Variants in KCND2 observed in about 807,000 individuals in gnomAD.
KCND2 encodes the protein A-type voltage-gated potassium channel KCND2.
Under a neutral mutation model 54.4 loss-of-function variants are expected in KCND2, and 16 were observed. That is an observed-to-expected ratio of 0.29 (90% confidence interval 0.20 to 0.45). The LOEUF (loss-of-function observed/expected upper bound fraction) is 0.45. Ranked by LOEUF, KCND2 falls within the 20% of genes least tolerant of loss-of-function variation. The pLI is 1.00. For synonymous variants in KCND2, 317 were observed against 310.7 expected (o/e 1.02, Z -0.21); for missense variants, 486 against 824.2 (o/e 0.59, Z 5.02).
intron 1 of KCND2, among the ~76,000 whole-genome samples, chr7:120,663,734 A>G (rs1791893315): frequency 6.6e-6 from 1 of 152,194 alleles, no homozygotes. Flanking sequence ...ACTTGATACT[A>G]TGTCATGGAT....
intron 1 of KCND2, among the ~76,000 whole-genome samples, chr7:120,649,083 C>A (rs907299646): frequency 6.6e-6 from 1 of 152,134 alleles, no homozygotes; most frequent in African/African-American, 2.4e-5. Flanking sequence ...ATCCTAACCT[C>A]TCATTTAATT....
chr7:120,274,494 T>C lies in KCND2; in HGVS notation c.-139T>C, dbSNP rs918598748. 28 of 920,264 alleles carry C rather than the reference T, an allele frequency of 3.0e-5. No homozygotes were observed. In the African/African-American group the frequency reaches 4.1e-4, roughly 14 times the overall value. 57.0% of individuals were successfully genotyped at this position (920,264 alleles called of 1,614,324 possible). On this transcript the variant is annotated 5_prime_UTR_variant, in exon 1 of 6. Coordinates refer to ENST00000331113, the MANE Select transcript of KCND2 (RefSeq NM_012281.3). ...AACTGTGACTTTACCAGGAGCCCTA[T>C]CTTGGAATAAGAGTTACACCTCTGG...
intron 1 of KCND2, among the ~76,000 whole-genome samples, chr7:120,351,337 G>A (rs1184573670): frequency 7.2e-6 from 1 of 139,586 alleles, no homozygotes; most frequent in Non-Finnish European, 1.5e-5. Flanking sequence ...TAGTTTAAAT[G>A]GGATCATCTC....
intron 1 of KCND2, among the ~76,000 whole-genome samples, chr7:120,460,704 A>G (rs1038679162): frequency 4.6e-5 from 7 of 152,240 alleles, no homozygotes; most frequent in Middle Eastern, 3.4e-3. Context: ...AGGCACCTCC[A>G]TACTGATGCT....
At chr7:120,648,722 A>G (rs564640902) in intron 1 of KCND2, among the ~76,000 whole-genome samples, 1 of 152,340 alleles carries the variant, frequency 6.6e-6, no homozygotes, top group East Asian at 1.9e-4. Context: ...GCAAAAATTC[A>G]TGTAGAGTTA....
intron 1 of KCND2, among the ~76,000 whole-genome samples, chr7:120,335,498 TATTTATTA>T (rs1370359477): frequency 6.9e-6 from 1 of 144,116 alleles, no homozygotes; most frequent in Non-Finnish European, 1.5e-5. Context: ...TTTATTTATT[TATTTATTA>T]GACAGAGTCT....
intron 1 of KCND2, among the ~76,000 whole-genome samples, chr7:120,484,085 G>A (rs1378458214): frequency 2.0e-5 from 3 of 152,104 alleles, no homozygotes; most frequent in African/African-American, 4.8e-5. Context: ...CCTGGAAGAC[G>A]CAAAGTGAGA....
At chr7:120,339,055 T>TA (rs201805063) in intron 1 of KCND2, among the ~76,000 whole-genome samples, 2,190 of 133,854 alleles carry the variant, frequency 0.016, 52 homozygotes, top group African/African-American at 0.05. Flanking sequence ...TAATTATTAT[T>TA]TTTTTTTTTT....
intron 1 of KCND2, among the ~76,000 whole-genome samples, chr7:120,571,918 C>T (rs1792370878): frequency 1.3e-5 from 2 of 152,106 alleles, no homozygotes; most frequent in Non-Finnish European, 2.9e-5. Flanking sequence ...CTTTCAAAAC[C>T]TGATTAGAAT....
chr7:120,640,309 T>C (rs1433106897), intron 1 of KCND2, among the ~76,000 whole-genome samples: 2 of 152,224 alleles, frequency 1.3e-5, no homozygotes, highest in Non-Finnish European at 2.9e-5. Context: ...ATGTGAATGT[T>C]ATATTTGGGC....
Position 120,741,587 on chromosome 7 carries a change from C to T in KCND2, c.1332C>T (p.Tyr444=), listed in dbSNP as rs1792941873. Residue 444 remains tyrosine (Y), a synonymous_variant, in exon 3 of 6, where the codon TAC becomes TAT. Coordinates refer to ENST00000331113, the MANE Select transcript of KCND2 (RefSeq NM_012281.3). ...RAAKSGSANA[Y]MQSKRNGLLS... is the part of the protein sequence containing the mutation. ...CCAAAAGCGGAAGCGCAAATGCTTACATGCAGAGCAAACGGAATGGTTTAC... is the reference window on the plus strand; with the variant it reads ...CCAAAAGCGGAAGCGCAAATGCTTATATGCAGAGCAAACGGAATGGTTTAC... The T allele has an allele frequency of 6.2e-7, 1 of 1,613,284 alleles. No homozygotes were observed. Among genetic ancestry groups the T allele is most frequent in the Non-Finnish European group, 8.5e-7 (1 of 1,179,430 alleles).
chr7:120,437,254 G>A (rs1801880829), intron 1 of KCND2, among the ~76,000 whole-genome samples: 1 of 145,536 alleles, frequency 6.9e-6, no homozygotes, highest in Non-Finnish European at 1.5e-5. Context: ...CCAGGCTGGA[G>A]TGCAGTGACT....
chr7:120,368,738 C>A (rs978566415), intron 1 of KCND2, among the ~76,000 whole-genome samples: 3 of 151,972 alleles, frequency 2.0e-5, no homozygotes, highest in Admixed American at 6.6e-5. Flanking sequence ...TAAGCCAAAT[C>A]TCTTGGAAAT....
chr7:120,490,994 T>A (rs1802770815), intron 1 of KCND2, among the ~76,000 whole-genome samples: 1 of 152,152 alleles, frequency 6.6e-6, no homozygotes, highest in South Asian at 2.1e-4. Context: ...GATTAGTGAC[T>A]GCTAAAGATC....
In KCND2 at chr7:120,453,432, G is replaced by T. The variant is rs927422466; in HGVS notation, c.1115+177685G>T. Among the ~76,000 whole-genome samples the T allele has an allele frequency of 7.2e-5, 11 of 152,126 alleles. 1 individual carries two copies. Among genetic ancestry groups the T allele is most frequent in the Admixed American group, 7.2e-4 (11 of 15,266 alleles). On this transcript the variant is annotated intron_variant, in intron 1 of 5. Coordinates refer to ENST00000331113, the MANE Select transcript of KCND2 (RefSeq NM_012281.3). ...CCATCCTCCCTGTACCACCAACCTGGTAAGTGAGAACATGTGCAGGAATGC... is the reference window on the plus strand; with the variant it reads ...CCATCCTCCCTGTACCACCAACCTGTTAAGTGAGAACATGTGCAGGAATGC...
Position 120,321,365 on chromosome 7 carries a change from C to T in KCND2, c.1115+45618C>T, listed in dbSNP as rs576018910. Among the ~76,000 whole-genome samples, 10 of 152,084 alleles carry T rather than the reference C, an allele frequency of 6.6e-5. No individual in the cohort carries two copies. The South Asian group carries it at 1.7e-3, about 25-fold the overall frequency. On this transcript the variant is annotated intron_variant, in intron 1 of 5. Transcript: ENST00000331113. ...TTTAGGCATGTCTTGAACTCCTGAC[C>T]TTAAGCAATCCTCCTGCCTCAGCCT...
intron 1 of KCND2, among the ~76,000 whole-genome samples, chr7:120,596,517 A>G (rs1219976784): frequency 1.3e-5 from 2 of 152,192 alleles, no homozygotes; most frequent in Non-Finnish European, 1.5e-5. Flanking sequence ...GGGACATAGA[A>G]AGGTTCTTAA....
chr7:120,419,702 A>G (rs762825046), intron 1 of KCND2, among the ~76,000 whole-genome samples: 28 of 152,328 alleles, frequency 1.8e-4, no homozygotes, highest in Non-Finnish European at 3.1e-4. Context: ...TGATGTATAT[A>G]GAAAATCTGG....
chr7:120,494,589 G>C (rs1350560002), intron 1 of KCND2, among the ~76,000 whole-genome samples: 1 of 151,984 alleles, frequency 6.6e-6, no homozygotes, highest in African/African-American at 2.4e-5. Flanking sequence ...TATGTTTCTA[G>C]AAAAAGCCTC....
Sources: allele counts gnomAD v4.1 joint callset (sites outside exome capture counted in the v4.1 genomes callset), GRCh38; gene constraint gnomAD v4.1.1; transcripts MANE v1.5; gene names NCBI Gene and HGNC (gene_info 2026-07-23, HGNC 2026-07-21).